The following PCDHGB7 variants were observed in gnomAD, a reference collection of about 807,000 sequenced individuals.
PCDHGB7 encodes protocadherin gamma subfamily B, 7.
In PCDHGB7, 37 loss-of-function variants were observed where a neutral mutation model predicts 61.4. The observed-to-expected ratio is 0.60, with a 90% CI of 0.46 to 0.79. PCDHGB7 has a LOEUF of 0.79. PCDHGB7 is among the 30% of genes least tolerant of loss of function. The pLI is 0.00. For missense variants in PCDHGB7, 1,166 were observed against 1,202.5 expected (o/e 0.97, Z 0.45); for synonymous variants, 464 against 503.5 (o/e 0.92, Z 1.05).
chr5:141,436,287 T>A (rs565612572), intron 1 of PCDHGB7, among the ~76,000 whole-genome samples: 1 of 152,262 alleles, frequency 6.6e-6, no homozygotes, highest in Admixed American at 6.5e-5. Context: ...TAGGAACAAA[T>A]CATTGAGAGT....
Position 141,511,378 on chromosome 5 carries a change from T to C in PCDHGB7, c.*205T>C. 1 of 1,202,114 alleles carries C rather than the reference T, an allele frequency of 8.3e-7. No homozygotes were observed. The highest frequency in any genetic ancestry group is 1.1e-6 in the Non-Finnish European group (1 of 882,194). The allele number at this position is 1,202,114 out of a possible 1,614,324, so 74.5% of individuals were successfully genotyped here. A position where few individuals can be genotyped will look rare whatever the true frequency, so the allele number is the denominator to read the frequency against. On this transcript the variant is annotated 3_prime_UTR_variant, in exon 4 of 4. Coordinates refer to ENST00000398594, the MANE Select transcript of PCDHGB7 (RefSeq NM_018927.4). ...AGGGGGTTGAATATGCAAAAGCAGT[T>C]CCGCTGGGAACCCCCATCCAATCAA...
chr5:141,474,970 A>G (rs1309289477), intron 1 of PCDHGB7, among the ~76,000 whole-genome samples: 4 of 152,212 alleles, frequency 2.6e-5, no homozygotes, highest in African/African-American at 9.6e-5. Context: ...TAATCATTAT[A>G]ATTTTGTTTG....
rs996556361 is a variant in PCDHGB7, at chr5:141,511,290, A to G, written c.*117A>G. 1.3e-6 allele frequency: 2 copies of G among 1,516,984 alleles called. No homozygotes were observed. The highest frequency in any genetic ancestry group is 1.8e-6 in the Non-Finnish European group (2 of 1,129,124). The allele number at this position is 1,516,984 out of a possible 1,614,324, so 94.0% of individuals were successfully genotyped here. ...AACCCCCAGAATACTGGTAGGGGCC[A>G]AGGCCATGCTCCCCTTGGGAAACAG... is the stretch of plus-strand genomic sequence containing the variant. On this transcript the variant is annotated 3_prime_UTR_variant, in exon 4 of 4. Coordinates refer to ENST00000398594, the MANE Select transcript of PCDHGB7 (RefSeq NM_018927.4).
In PCDHGB7 at chr5:141,477,101, G is replaced by A. The variant is rs770640663; in HGVS notation, c.2416-17706G>A. On this transcript the variant is annotated intron_variant, in intron 1 of 3. Transcript: ENST00000398594. The surrounding 1 kb of genome is among the most constrained non-coding windows in gnomAD (Gnocchi z 4.9). ...TTACATCCAGGCCAAAGACAAGGGC[G>A]CCAATCCCGAAGGAGCACATTGCAA... 2 of 1,614,262 alleles carry A rather than the reference G, an allele frequency of 1.2e-6. No individual in the cohort carries two copies. Among genetic ancestry groups the A allele is most frequent in the East Asian group, 2.2e-5 (1 of 44,884 alleles).
intron 1 of PCDHGB7, among the ~76,000 whole-genome samples, chr5:141,435,314 G>C (rs1490871069): frequency 6.6e-6 from 1 of 152,006 alleles, no homozygotes; most frequent in African/African-American, 2.4e-5. Flanking sequence ...AATCATTCAT[G>C]AACTTCCAAA....
Position 141,505,488 on chromosome 5 carries a change from G to A in PCDHGB7, c.2563+7G>A. On this transcript the variant is annotated splice_region_variant and intron_variant, in intron 3 of 3. Transcript: ENST00000398594. Reference sequence around the variant, plus strand: ...ATCTTGGCGTCCGCCAGTGGTAAGTGGTGTCAGTGTGTGTATGGAAGAGTG... The same window carrying A: ...ATCTTGGCGTCCGCCAGTGGTAAGTAGTGTCAGTGTGTGTATGGAAGAGTG... The A allele has an allele frequency of 6.2e-7, 1 of 1,614,222 alleles. No individual in the cohort carries two copies. The highest frequency in any genetic ancestry group is 8.5e-7 in the Non-Finnish European group (1 of 1,180,018).
rs1186240180 is a variant in PCDHGB7, at chr5:141,432,270, A to T, written c.2415+11996A>T. On this transcript the variant is annotated intron_variant, in intron 1 of 3. Transcript: ENST00000398594. The surrounding 1 kb of genome is among the most constrained non-coding windows in gnomAD (Gnocchi z 6.0). ...ATCCAAGGGGCAAGCCTATCGTCCT[A>T]CGTGTCCATCAACTCCGACACTGGG... 1 of 1,614,024 alleles carries T rather than the reference A, an allele frequency of 6.2e-7. No homozygotes were observed. The highest frequency in any genetic ancestry group is 8.5e-7 in the Non-Finnish European group (1 of 1,180,028).
intron 1 of PCDHGB7, chr5:141,423,627 C>T (rs925883716): frequency 6.2e-7 from 1 of 1,604,886 alleles, no homozygotes; most frequent in African/African-American, 1.3e-5. Context: ...ACTCAGCTAT[C>T]ATTTTAGGCA....
chr5:141,421,102 T>G, intron 1 of PCDHGB7: 1 of 691,404 alleles, frequency 1.4e-6, no homozygotes, highest in Non-Finnish European at 2.4e-6. Flanking sequence ...CACTGGAGAC[T>G]TAGAAGTATT....
chr5:141,419,253 A>C lies in PCDHGB7; in HGVS notation c.1394A>C (p.Asn465Thr), dbSNP rs1590154657. The change falls in exon 1 of 4, where the codon AAC becomes ACC. Residue 465 changes from asparagine to threonine, a missense_variant. Coordinates refer to ENST00000398594, the MANE Select transcript of PCDHGB7 (RefSeq NM_018927.4). Reference protein sequence around the residue: ...SAYLVHVPENNQPGASIAQVS... With the variant: ...SAYLVHVPENTQPGASIAQVS... ...TACCTGGTCCACGTGCCAGAAAACA[A>C]CCAGCCGGGTGCCTCCATAGCGCAA... 6.2e-7 allele frequency: 1 copy of C among 1,613,990 alleles called. No individual in the cohort carries two copies. The highest frequency in any genetic ancestry group is 1.1e-5 in the South Asian group (1 of 91,086).
chr5:141,422,977 G>A (rs1434523351), intron 1 of PCDHGB7: 1 of 1,614,110 alleles, frequency 6.2e-7, no homozygotes, highest in Non-Finnish European at 8.5e-7. Context: ...CCGCTCTGCG[G>A]AACCTGGCTA....
intron 1 of PCDHGB7, chr5:141,422,056 G>A: frequency 8.7e-6 from 14 of 1,611,934 alleles, no homozygotes; most frequent in Non-Finnish European, 1.2e-5. Flanking sequence ...AATCAACGGG[G>A]AAGTAATGTA....
intron 1 of PCDHGB7, among the ~76,000 whole-genome samples, chr5:141,463,542 G>A (rs1376087953): frequency 7.1e-6 from 1 of 141,810 alleles, no homozygotes; most frequent in African/African-American, 2.6e-5. Context: ...TCCGGCTCCC[G>A]GGTTCATGCC....
intron 1 of PCDHGB7, chr5:141,426,320 G>A (rs2096927622): frequency 1.1e-5 from 2 of 175,034 alleles, no homozygotes; most frequent in South Asian, 1.3e-4. Context: ...AGCAGGACCC[G>A]GCAGTGGCAA....
Position 141,477,818 on chromosome 5 carries a change from C to T in PCDHGB7, c.2416-16989C>T, listed in dbSNP as rs202009040. 33 of 1,614,040 alleles carry T rather than the reference C, an allele frequency of 2.0e-5. No homozygotes were observed. The highest frequency in any genetic ancestry group is 1.3e-4 in the Admixed American group (8 of 60,006). On this transcript the variant is annotated intron_variant, in intron 1 of 3. Transcript: ENST00000398594. This position sits in a 1 kb window ranked among gnomAD's most constrained non-coding sequence, Gnocchi z 4.9. ...TCGCAATGACAATGCCCCCCAGGTCCTATATCCTCGGCCAGGTGGGAGCTC... is the reference window on the plus strand; with the variant it reads ...TCGCAATGACAATGCCCCCCAGGTCTTATATCCTCGGCCAGGTGGGAGCTC...
At chr5:141,457,554 G>A (rs2098924282) in intron 1 of PCDHGB7, among the ~76,000 whole-genome samples, 1 of 152,166 alleles carries the variant, frequency 6.6e-6, no homozygotes, top group Admixed American at 6.5e-5. Flanking sequence ...TGTATGATAA[G>A]CTTTGGAGCA....
At chr5:141,434,323 T>G (rs578049856) in intron 1 of PCDHGB7, among the ~76,000 whole-genome samples, 1 of 152,358 alleles carries the variant, frequency 6.6e-6, no homozygotes, top group South Asian at 2.1e-4. Flanking sequence ...CTCTTGCTGC[T>G]TGTCTCTTTG....
At chr5:141,421,434 C>T (rs1247535353) in intron 1 of PCDHGB7, 1 of 1,613,980 alleles carries the variant, frequency 6.2e-7, no homozygotes, top group Non-Finnish European at 8.5e-7. Context: ...GCATCGTCTC[C>T]AGAGGGAAGA....
At chr5:141,470,589 G>A (rs1593264687) in intron 1 of PCDHGB7, among the ~76,000 whole-genome samples, 1 of 152,300 alleles carries the variant, frequency 6.6e-6, no homozygotes, top group East Asian at 1.9e-4. Flanking sequence ...TCATAGGCAG[G>A]CGACCTGTGC....
Sources: gnomAD v4.1 joint callset for allele counts (sites outside exome capture counted in the v4.1 genomes callset) on GRCh38, gnomAD v4.1.1 for gene constraint, Gnocchi (gnomAD v3.1) non-coding constraint, MANE v1.5 for transcripts, NCBI Gene and HGNC (gene_info 2026-07-23, HGNC 2026-07-21) for gene names.